The following ZNRF1 variants were observed in gnomAD, a reference collection of about 807,000 sequenced individuals.
The protein encoded by ZNRF1 is zinc and ring finger 1.
A neutral mutation model predicts 18.4 loss-of-function variants in ZNRF1; 3 were observed. That is an observed-to-expected ratio of 0.16 (90% confidence interval 0.07 to 0.42). The LOEUF (loss-of-function observed/expected upper bound fraction) is 0.42, where lower values mean the gene tolerates loss of function less well. Ranked by LOEUF, ZNRF1 falls within the 10% of genes least tolerant of loss-of-function variation. ZNRF1 has a pLI of 0.99. For missense variants in ZNRF1, 310 were observed against 329.8 expected (o/e 0.94, Z 0.47); for synonymous variants, 157 against 144.2 (o/e 1.09, Z -0.64).
chr16:75,002,185 G>C (rs969863200), intron 1 of ZNRF1: 1 of 152,304 alleles, frequency 6.6e-6, no homozygotes, highest in Non-Finnish European at 1.5e-5. Flanking sequence ...CACTGCTTTA[G>C]GGATTTATTC....
At chr16:75,062,323 A>G (rs1427372729) in intron 1 of ZNRF1, among the ~76,000 whole-genome samples, 2 of 152,250 alleles carry the variant, frequency 1.3e-5, no homozygotes, top group African/African-American at 4.8e-5. Context: ...ATCAAGCACC[A>G]GCCTCTCAAG....
intron 1 of ZNRF1, among the ~76,000 whole-genome samples, chr16:75,054,904 G>A (rs2035649181): frequency 1.3e-5 from 2 of 152,218 alleles, no homozygotes; most frequent in African/African-American, 4.8e-5. Context: ...GTCCAAACAG[G>A]AGGATCTGAC....
intron 2 of ZNRF1, chr16:75,095,835 T>A: frequency 7.7e-7 from 1 of 1,305,084 alleles, no homozygotes; most frequent in Non-Finnish European, 1.0e-6. Flanking sequence ...AGCACTTGAG[T>A]GCCTGGCGCT....
chr16:75,077,362 G>A (rs759267937), intron 1 of ZNRF1, among the ~76,000 whole-genome samples: 8 of 152,114 alleles, frequency 5.3e-5, no homozygotes, highest in Non-Finnish European at 1.0e-4. Context: ...TACAAACCCC[G>A]TCTCTACTAA....
chr16:75,044,492 G>A (rs1329184245), intron 1 of ZNRF1, among the ~76,000 whole-genome samples: 1 of 151,848 alleles, frequency 6.6e-6, no homozygotes, highest in African/African-American at 2.4e-5. Flanking sequence ...CTCCAAAAGT[G>A]CTGGGATTAT....
chr16:75,098,685 G>A (rs2036225399), intron 2 of ZNRF1, among the ~76,000 whole-genome samples: 1 of 152,214 alleles, frequency 6.6e-6, no homozygotes, highest in African/African-American at 2.4e-5. Flanking sequence ...ACCTGAGCCT[G>A]TGCGTCATTT....
chr16:75,107,738 G>C lies in ZNRF1; in HGVS notation c.*38G>C, dbSNP rs1256872623. 2.2e-6 allele frequency: 1 copy of C among 456,514 alleles called. No homozygotes were observed. The allele number at this position is 456,514 out of a possible 1,614,324, so 28.3% of individuals were successfully genotyped here. On this transcript the variant is annotated 3_prime_UTR_variant, in exon 5 of 5. Transcript: ENST00000335325. ...ATTTATTACGGTCCACACAGGGACAGAGCGCCCCTGCTCCAGGGAGGAGGC... is the reference window on the plus strand; with the variant it reads ...ATTTATTACGGTCCACACAGGGACACAGCGCCCCTGCTCCAGGGAGGAGGC...
intron 1 of ZNRF1, among the ~76,000 whole-genome samples, chr16:75,085,761 G>A (rs1245446190): frequency 6.7e-6 from 1 of 148,262 alleles, no homozygotes; most frequent in East Asian, 2.0e-4. Context: ...TTATTGGTCA[G>A]TGTTTTCTAG....
intron 1 of ZNRF1, among the ~76,000 whole-genome samples, chr16:75,038,700 G>A (rs2035404346): frequency 1.3e-5 from 2 of 152,206 alleles, no homozygotes; most frequent in South Asian, 4.1e-4. Context: ...ACAGTAAGAT[G>A]CTCTCCAGGA....
intron 1 of ZNRF1, among the ~76,000 whole-genome samples, chr16:75,069,883 C>G (rs929856329): frequency 5.3e-5 from 8 of 152,210 alleles, no homozygotes; most frequent in Non-Finnish European, 1.2e-4. Context: ...ACCCCTGCCC[C>G]CTTTCTAGCA....
chr16:75,096,594 T>C (rs113045903), intron 2 of ZNRF1, among the ~76,000 whole-genome samples: 1,592 of 152,260 alleles, frequency 0.01, 34 homozygotes, highest in African/African-American at 0.036. Flanking sequence ...AGAGTTTTCT[T>C]ATGAAGATTC....
intron 1 of ZNRF1, among the ~76,000 whole-genome samples, chr16:75,071,288 CAGGGT>C (rs2035867035): frequency 6.6e-6 from 1 of 152,124 alleles, no homozygotes; most frequent in Non-Finnish European, 1.5e-5. Context: ...TTAGTAGAGA[CAGGGT>C]TTCGCCATGT....
At chr16:75,077,503 G>A (rs563741942) in intron 1 of ZNRF1, among the ~76,000 whole-genome samples, 1 of 152,378 alleles carries the variant, frequency 6.6e-6, no homozygotes, top group Admixed American at 6.5e-5. Context: ...CTGCACTCCA[G>A]CCTGGCGACA....
At chr16:75,097,689 C>T (rs771643606) in intron 2 of ZNRF1, among the ~76,000 whole-genome samples, 43 of 152,244 alleles carry the variant, frequency 2.8e-4, no homozygotes, top group South Asian at 6.2e-4. Flanking sequence ...TGGTGGCAAG[C>T]GCCTGTAGTT....
intron 2 of ZNRF1, chr16:75,095,789 G>GC: frequency 6.8e-7 from 1 of 1,469,944 alleles, no homozygotes; most frequent in East Asian, 2.5e-5. Context: ...AACTGCCTGG[G>GC]ACGCCACCAT....
intron 1 of ZNRF1, among the ~76,000 whole-genome samples, chr16:75,093,038 A>T (rs1285027726): frequency 6.6e-6 from 1 of 152,226 alleles, no homozygotes; most frequent in Non-Finnish European, 1.5e-5. Context: ...AACGAGGCAC[A>T]TAAGGCAGGG....
intron 1 of ZNRF1, among the ~76,000 whole-genome samples, chr16:75,060,140 G>A (rs1219147223): frequency 6.6e-6 from 1 of 151,808 alleles, no homozygotes; most frequent in Non-Finnish European, 1.5e-5. Flanking sequence ...TGCAACCTCC[G>A]CCTCACAGGT....
At chr16:75,040,679 T>A (rs544747759) in intron 1 of ZNRF1, among the ~76,000 whole-genome samples, 1 of 137,016 alleles carries the variant, frequency 7.3e-6, no homozygotes, top group East Asian at 2.4e-4. Context: ...CAATCTCGGC[T>A]CACTGCAACC....
At chr16:75,075,412 A>C (rs552041671) in intron 1 of ZNRF1, among the ~76,000 whole-genome samples, 1 of 152,344 alleles carries the variant, frequency 6.6e-6, no homozygotes, top group Admixed American at 6.5e-5. Context: ...GTGGGTTCCT[A>C]ACCGACATTC....
Sources: gnomAD v4.1 joint callset for allele counts (sites outside exome capture counted in the v4.1 genomes callset) on GRCh38, gnomAD v4.1.1 for gene constraint, MANE v1.5 for transcripts, NCBI Gene and HGNC (gene_info 2026-07-23, HGNC 2026-07-21) for gene names.